The following GSE1 variants were observed in gnomAD, a reference collection of about 807,000 sequenced individuals.
GSE1 encodes the protein Gse1 coiled-coil protein.
Under a neutral mutation model 112.6 loss-of-function variants are expected in GSE1, and 32 were observed. The observed-to-expected ratio is 0.28, with a 90% confidence interval of 0.21 to 0.38. The LOEUF is 0.38. Ranked by LOEUF, GSE1 falls within the 10% of genes least tolerant of loss-of-function variation. GSE1 has a pLI of 1.00. For synonymous variants in GSE1, 1,115 were observed against 735.6 expected, an observed-to-expected ratio of 1.52 and a Z score of -8.35; for missense variants, 2,348 against 1,699.2, an observed-to-expected ratio of 1.38 and a Z score of -6.71.
chr16:85,410,593 C>G (rs1163785496), intron 2 of GSE1, among the ~76,000 whole-genome samples: 3 of 5,204 alleles, frequency 5.8e-4, no homozygotes, highest in Admixed American at 1.6e-3. Flanking sequence ...TACACTCAGG[C>G]CCCCCGGATA....
intron 2 of GSE1, among the ~76,000 whole-genome samples, chr16:85,546,755 C>T (rs929040428): frequency 7.9e-5 from 12 of 152,258 alleles, no homozygotes; most frequent in African/African-American, 2.9e-4. Flanking sequence ...CCCAATTGCC[C>T]TAGAGGCTGG....
rs2052821246 is a variant in GSE1, at chr16:85,665,987, C to T, written c.2770C>T (p.Gln924Ter). 1 of 1,613,044 alleles carries T rather than the reference C, an allele frequency of 6.2e-7. No individual in the cohort carries two copies. Among genetic ancestry groups the T allele is most frequent in the Non-Finnish European group, 8.5e-7 (1 of 1,179,916 alleles). The stretch of plus-strand genomic sequence containing the variant: ...TTTGTCTCTAAAAGAACCAGCCACG[C>T]AGCAAGCCTCTCTGGATGTGGAGAA... ...PAVSLSEPAT[Q>*]QASLDVEKPV... The change falls in exon 13 of 16, where the codon CAG becomes TAG. Residue 924 changes from glutamine to a stop codon, truncating the protein, a stop_gained. Coordinates refer to ENST00000253458, the MANE Select transcript of GSE1 (RefSeq NM_014615.5). LOFTEE classifies it high-confidence loss of function.
intron 1 of GSE1, among the ~76,000 whole-genome samples, chr16:85,331,701 ATATATAT>A (rs1388829646): frequency 0.22 from 16,359 of 73,852 alleles, 2,936 homozygotes; most frequent in Non-Finnish European, 0.29. Flanking sequence ...ATATATATAT[ATATATAT>A]TTTTTTTTTT....
chr16:85,613,956 G>A (rs1328287608), intron 1 of GSE1, among the ~76,000 whole-genome samples: 2 of 150,838 alleles, frequency 1.3e-5, no homozygotes, highest in Non-Finnish European at 3.0e-5. Flanking sequence ...GGAGTTGGTC[G>A]GGAGGGCGGG....
upstream of GSE1, among the ~76,000 whole-genome samples, chr16:85,606,591 C>G (rs2047713237): frequency 6.6e-6 from 1 of 152,206 alleles, no homozygotes. Flanking sequence ...TCTGGGTGAC[C>G]CGGGAGAGGG....
At chr16:85,532,365 A>G (rs1481413638) in intron 2 of GSE1, among the ~76,000 whole-genome samples, 1 of 152,106 alleles carries the variant, frequency 6.6e-6, no homozygotes, top group African/African-American at 2.4e-5. Flanking sequence ...GGCTCAAGCA[A>G]TCCTCCTGAC....
At chr16:85,568,254 A>G (rs551954580) in intron 1 of GSE1, among the ~76,000 whole-genome samples, 2 of 152,318 alleles carry the variant, frequency 1.3e-5, no homozygotes, top group African/African-American at 4.8e-5. Context: ...GACCTGTGAC[A>G]TGGAGCTTTG....
At position 85,396,734 on chromosome 16, in the gene GSE1, C is replaced by T. The variant is rs146554250; in HGVS notation, c.2464+39091C>T. Among the ~76,000 whole-genome samples the T allele has an allele frequency of 2.2e-4, 34 of 152,342 alleles. No individual in the cohort carries two copies. In the East Asian group the frequency reaches 3.1e-3, roughly 14 times the overall value. The stretch of plus-strand genomic sequence containing the variant: ...ACACAAGTGGGAGGCCACAGGCCCC[C>T]GTGGGGACTTGACCCAGGAGTGGGT... On this transcript the variant is annotated intron_variant, in intron 2 of 2. Coordinates refer to the GSE1 transcript ENST00000637419.
intron 1 of GSE1, among the ~76,000 whole-genome samples, chr16:85,351,548 G>A (rs1258587044): frequency 1.3e-5 from 2 of 151,846 alleles, no homozygotes; most frequent in African/African-American, 4.8e-5. Flanking sequence ...CATAGGGATG[G>A]GGGTTTCTTT....
intron 2 of GSE1, among the ~76,000 whole-genome samples, chr16:85,486,848 TG>T (rs1286640626): frequency 1.3e-5 from 2 of 152,186 alleles, no homozygotes; most frequent in African/African-American, 4.8e-5. Flanking sequence ...CGCCGGTGCC[TG>T]GTGCTCAGTG....
intron 1 of GSE1, among the ~76,000 whole-genome samples, chr16:85,632,465 A>T (rs1311631538): frequency 6.6e-6 from 1 of 152,126 alleles, no homozygotes; most frequent in African/African-American, 2.4e-5. Context: ...CTCCCTGAAT[A>T]CATGGCCAGG....
At chr16:85,330,713 A>G (rs1399844085) in intron 1 of GSE1, among the ~76,000 whole-genome samples, 2 of 152,212 alleles carry the variant, frequency 1.3e-5, no homozygotes, top group Non-Finnish European at 2.9e-5. Flanking sequence ...GTGAAACGAC[A>G]TCTGCCCGGA....
chr16:85,361,726 G>T (rs1209375282), intron 2 of GSE1, among the ~76,000 whole-genome samples: 2 of 152,234 alleles, frequency 1.3e-5, no homozygotes, highest in Non-Finnish European at 2.9e-5. Context: ...AGCCTGTGCC[G>T]ACCTGGGCCC....
chr16:85,465,027 G>A (rs1184373573), intron 2 of GSE1, among the ~76,000 whole-genome samples: 1 of 152,232 alleles, frequency 6.6e-6, no homozygotes, highest in Non-Finnish European at 1.5e-5. Context: ...CAGCTAGTGA[G>A]GTGCAGACGG....
intron 2 of GSE1, among the ~76,000 whole-genome samples, chr16:85,548,584 T>G (rs2044787482): frequency 6.6e-6 from 1 of 152,184 alleles, no homozygotes; most frequent in South Asian, 2.1e-4. Context: ...GTTTCATTCT[T>G]TTTTACGGGT....
chr16:85,458,213 C>T (rs2049884263), intron 2 of GSE1, among the ~76,000 whole-genome samples: 1 of 152,224 alleles, frequency 6.6e-6, no homozygotes, highest in Non-Finnish European at 1.5e-5. Context: ...TGGGGACCCC[C>T]TGCCTCGCTC....
chr16:85,485,223 C>T (rs761679588), intron 2 of GSE1, among the ~76,000 whole-genome samples: 2 of 152,262 alleles, frequency 1.3e-5, no homozygotes, highest in African/African-American at 2.4e-5. Flanking sequence ...CCCAGGGCCA[C>T]CCACTCACGG....
chr16:85,613,182 G>A, upstream of GSE1: 12 of 1,411,962 alleles, frequency 8.5e-6, no homozygotes, highest in Non-Finnish European at 1.1e-5. Flanking sequence ...GCGAGCCAGT[G>A]GCCCGGGAGT....
chr16:85,592,134 C>G (rs1003745125), intron 1 of GSE1: 1 of 151,626 alleles, frequency 6.6e-6, no homozygotes, highest in Non-Finnish European at 1.5e-5. Flanking sequence ...TTTTCTTTTT[C>G]TTTTTTTCTT....
Sources: gnomAD v4.1 joint callset for allele counts (sites outside exome capture counted in the v4.1 genomes callset) on GRCh38, gnomAD v4.1.1 for gene constraint, MANE v1.5 for transcripts, NCBI Gene and HGNC (gene_info 2026-07-23, HGNC 2026-07-21) for gene names.